The following VWA8 variants were observed in gnomAD, a reference collection of about 807,000 sequenced individuals.
VWA8 encodes the protein von Willebrand factor A domain containing 8.
A neutral mutation model predicts 241.5 loss-of-function variants in VWA8; 221 were observed. The observed-to-expected ratio is 0.91, with a 90% CI of 0.82 to 1.02. The LOEUF (loss-of-function observed/expected upper bound fraction) is 1.02, where lower values mean the gene tolerates loss of function less well. VWA8 is among the 50% of genes least tolerant of loss of function. The pLI is 0.00. For synonymous variants in VWA8, 852 were observed against 827.1 expected (o/e 1.03, Z -0.52); for missense variants, 2,322 against 2,328.7 (o/e 1.00, Z 0.06).
At chr13:41,694,119 T>C (rs1396737749) in intron 29 of VWA8, among the ~76,000 whole-genome samples, 1 of 151,990 alleles carries the variant, frequency 6.6e-6, no homozygotes, top group African/African-American at 2.4e-5. Flanking sequence ...ATTTAATATA[T>C]AAAGAATACA....
chr13:41,621,418 GC>G (rs1044116507), intron 37 of VWA8, among the ~76,000 whole-genome samples: 4 of 152,122 alleles, frequency 2.6e-5, no homozygotes, highest in African/African-American at 9.7e-5. Flanking sequence ...TTTGTAGTTT[GC>G]TTATATGCGT....
chr13:41,871,946 T>A (rs1481327945), intron 9 of VWA8, among the ~76,000 whole-genome samples: 1 of 152,216 alleles, frequency 6.6e-6, no homozygotes, highest in Admixed American at 6.5e-5. Flanking sequence ...TTCCTATTTC[T>A]CCACATCCTC....
chr13:41,668,976 AT>A (rs199901859), intron 37 of VWA8, among the ~76,000 whole-genome samples: 1 of 150,882 alleles, frequency 6.6e-6, no homozygotes, highest in African/African-American at 2.4e-5. Context: ...GCTTTATTTT[AT>A]TTTTTTTTAG....
chr13:41,757,214 T>TA (rs2045700616), intron 21 of VWA8, among the ~76,000 whole-genome samples: 1 of 151,740 alleles, frequency 6.6e-6, no homozygotes, highest in African/African-American at 2.4e-5. Context: ...AGAACAGTAT[T>TA]ACAGCTCCTG....
intron 27 of VWA8, 49 bp downstream of exon 27, chr13:41,703,254 A>C (rs775831881): frequency 5.3e-6 from 8 of 1,503,480 alleles, no homozygotes; most frequent in Non-Finnish European, 3.7e-6. Context: ...AAGATACAGC[A>C]AAATTTATAA....
At chr13:41,643,590 G>T (rs1435676678) in intron 37 of VWA8, among the ~76,000 whole-genome samples, 1 of 152,216 alleles carries the variant, frequency 6.6e-6, no homozygotes, top group African/African-American at 2.4e-5. Flanking sequence ...AACGTTGTTT[G>T]CATATGTTAG....
chr13:41,852,479 T>A (rs562929555), intron 12 of VWA8, among the ~76,000 whole-genome samples: 5 of 152,156 alleles, frequency 3.3e-5, no homozygotes, highest in Non-Finnish European at 7.4e-5. Flanking sequence ...CTCATTTATC[T>A]ATTTTTGCTT....
At chr13:41,894,414 T>C (rs1875002112) in intron 4 of VWA8, among the ~76,000 whole-genome samples, 3 of 152,234 alleles carry the variant, frequency 2.0e-5, no homozygotes, top group African/African-American at 4.8e-5. Flanking sequence ...GATAACACAA[T>C]TTAATGATCT....
Position 41,699,184 on chromosome 13 carries a change from C to T in VWA8, c.3451G>A (p.Val1151Met), listed in dbSNP as rs76787766. The part of the protein sequence containing the change: ...MNMTGKSGFF[V>M]DFFDIFPRTA... ...CTTGGGAAGATATCAAAAAAGTCCA[C>T]AAAGAAGCCACTTTTCCCAGTCATA... The change falls in exon 29 of 45, where the codon GTG (valine) becomes ATG (methionine). Residue 1151 changes from valine to methionine, a missense_variant. Physicochemically the swap from Val to Met is conservative, Grantham distance 21. Coordinates refer to ENST00000379310, the MANE Select transcript of VWA8 (RefSeq NM_015058.2). 3.7e-6 allele frequency: 6 copies of T among 1,613,934 alleles called. No homozygotes were observed. Among genetic ancestry groups the T allele is most frequent in the Non-Finnish European group, 5.1e-6 (6 of 1,180,002 alleles).
At position 41,868,452 on chromosome 13, in the gene VWA8, C is replaced by G. The variant is rs140188669; in HGVS notation, c.1106G>C (p.Ser369Thr). The G allele has an allele frequency of 1.1e-4, 179 of 1,613,290 alleles. No individual in the cohort carries two copies. The African/African-American group carries it at 2.2e-3, about 19-fold the overall frequency. ...LKRFELQDSG[S>T]SLLPKEIVKV... ...TACAATCTCTTTAGGAAGTAGAGAG[C>G]TTCCTGAATCTTGAAGTTCAAAGCG... Residue 369 changes from serine (S) to threonine (T), a missense_variant, in exon 10 of 45, where the codon AGC becomes ACC. By Grantham distance (58) the Ser-to-Thr change is moderately conservative. Transcript: ENST00000379310.
chr13:41,738,346 T>C (rs4426248), intron 21 of VWA8, among the ~76,000 whole-genome samples: 53,657 of 151,764 alleles, frequency 0.35, 9,595 homozygotes, highest in Admixed American at 0.37. Flanking sequence ...TCATCTGTGA[T>C]GAAACACTTT....
At position 41,580,790 on chromosome 13, in the gene VWA8, T is replaced by C. The variant is rs79843113; in HGVS notation, c.5272-4952A>G. On this transcript the variant is annotated intron_variant, in intron 42 of 44. Transcript: ENST00000379310. ...GACCTTGGGCAAAGCATTGAACCTC[T>C]TTGAATCTTTGTTTTCTCTTCTGTA... Among the ~76,000 whole-genome samples, 179 of 152,302 alleles carry C rather than the reference T, an allele frequency of 1.2e-3. 5 individuals are homozygous for C. The East Asian group carries it at 0.027, about 23-fold the overall frequency.
chr13:41,891,311 G>A, intron 5 of VWA8, 109 bp downstream of exon 5: 2 of 1,295,126 alleles, frequency 1.5e-6, no homozygotes, highest in East Asian at 4.7e-5. Context: ...CAAGATAAGG[G>A]CCATCTGAAC....
chr13:41,572,149 GGC>G (rs2139631674), intron 43 of VWA8, among the ~76,000 whole-genome samples: 1 of 151,892 alleles, frequency 6.6e-6, no homozygotes, highest in East Asian at 1.9e-4. Context: ...CCCTCCGCCT[GGC>G]AGCCGCCCCG....
chr13:41,771,337 G>A (rs752120686), intron 20 of VWA8, among the ~76,000 whole-genome samples: 5 of 152,118 alleles, frequency 3.3e-5, no homozygotes, highest in Non-Finnish European at 7.4e-5. Context: ...TGGCCAGGCT[G>A]GTCTCAAACT....
chr13:41,892,875 C>T (rs1874913255), intron 4 of VWA8, among the ~76,000 whole-genome samples: 1 of 152,138 alleles, frequency 6.6e-6, no homozygotes, highest in Non-Finnish European at 1.5e-5. Flanking sequence ...CCCAATAGTC[C>T]AAGCTCCTTA....
chr13:41,932,089 T>C (rs758314672), intron 2 of VWA8, among the ~76,000 whole-genome samples: 4 of 151,968 alleles, frequency 2.6e-5, no homozygotes, highest in Non-Finnish European at 5.9e-5. Context: ...GAAGACACAA[T>C]TCACCAACAT....
intron 42 of VWA8, among the ~76,000 whole-genome samples, chr13:41,583,642 CAAAAAAAAAAA>C (rs935505646): frequency 3.6e-4 from 15 of 42,182 alleles, no homozygotes; most frequent in South Asian, 8.6e-4. Flanking sequence ...GACTCCATCT[CAAAAAAAAAAA>C]AAAAAAAAAC....
Position 41,721,389 on chromosome 13 carries a change from T to C in VWA8, c.2945A>G (p.Asn982Ser), listed in dbSNP as rs142994422. 3 of 1,613,738 alleles carry C rather than the reference T, an allele frequency of 1.9e-6. No individual in the cohort carries two copies. Among genetic ancestry groups the C allele is most frequent in the African/African-American group, 2.7e-5 (2 of 75,000 alleles). ...NYPYSTREVV[N>S]IVKHLQKFPT... is the part of the protein sequence containing the mutation. ...ACCTACCTGTAAATGTTTGACTATG[T>C]TGACAACTTCTCTGGTAGAATAAGG... The change falls in exon 25 of 45, where the codon AAC (asparagine) becomes AGC (serine). Residue 982 changes from asparagine (N) to serine (S), a missense_variant. By Grantham distance (46) the Asn-to-Ser change is conservative. Transcript: ENST00000379310.
Sources: allele counts gnomAD v4.1 joint callset (sites outside exome capture counted in the v4.1 genomes callset), GRCh38; gene constraint gnomAD v4.1.1; transcripts MANE v1.5; gene names NCBI Gene and HGNC (gene_info 2026-07-23, HGNC 2026-07-21).